CLVS1: variants seen among roughly 807,000 people sequenced by gnomAD.
CLVS1 encodes the protein clavesin-1.
A neutral mutation model predicts 33.1 loss-of-function variants in CLVS1; 10 were observed. The observed-to-expected ratio is 0.30, with a 90% CI of 0.19 to 0.51. The LOEUF (loss-of-function observed/expected upper bound fraction) is 0.51, where lower values mean the gene tolerates loss of function less well. Among genes scored for constraint, CLVS1 ranks in the 20% least tolerant of loss-of-function variants. The pLI is 0.97. For synonymous variants in CLVS1, 163 were observed against 166.1 expected (o/e 0.98, Z 0.14); for missense variants, 343 against 433.4 (o/e 0.79, Z 1.85).
At chr8:61,099,092 G>A (rs921236282) in intron 1 of CLVS1, among the ~76,000 whole-genome samples, 2 of 152,104 alleles carry the variant, frequency 1.3e-5, no homozygotes, top group African/African-American at 2.4e-5. Flanking sequence ...CTTCATAAGG[G>A]TTAGGATTCA....
chr8:61,484,262 A>C (rs1475951818), intron 5 of CLVS1, among the ~76,000 whole-genome samples: 2 of 152,232 alleles, frequency 1.3e-5, no homozygotes, highest in Non-Finnish European at 2.9e-5. Context: ...ATACAAAATC[A>C]ACATGCAAAA....
intron 2 of CLVS1, among the ~76,000 whole-genome samples, chr8:61,193,305 G>A (rs562397928): frequency 3.9e-5 from 6 of 152,236 alleles, no homozygotes; most frequent in African/African-American, 1.2e-4. Context: ...TCACTCATAG[G>A]TGGGAATGGA....
chr8:61,010,897 G>C, the CLVS1 span, among the ~76,000 whole-genome samples: 10 of 152,238 alleles, frequency 6.6e-5, no homozygotes, highest in East Asian at 1.9e-4. Context: ...GCAGCGCAGC[G>C]CCTGGCTGGG....
chr8:61,046,505 G>GT, the CLVS1 span, among the ~76,000 whole-genome samples: 1 of 147,086 alleles, frequency 6.8e-6, no homozygotes, highest in Non-Finnish European at 1.5e-5. Context: ...CTTTAAAGTA[G>GT]TTTTTTCAAA....
chr8:61,255,135 A>G (rs893240741), intron 2 of CLVS1, among the ~76,000 whole-genome samples: 1 of 152,166 alleles, frequency 6.6e-6, no homozygotes, highest in African/African-American at 2.4e-5. Context: ...ACCTTGTAAA[A>G]CTATAATTAT....
the CLVS1 span, among the ~76,000 whole-genome samples, chr8:60,998,801 G>T: frequency 6.6e-6 from 1 of 152,218 alleles, no homozygotes; most frequent in Non-Finnish European, 1.5e-5. Context: ...GGTTTGCTGA[G>T]CATCTCACCC....
At chr8:61,385,889 TG>T (rs1212734956) in intron 3 of CLVS1, among the ~76,000 whole-genome samples, 3 of 152,170 alleles carry the variant, frequency 2.0e-5, no homozygotes, top group Non-Finnish European at 1.5e-5. Context: ...ACTAAAATGT[TG>T]GGGGGTAGTC....
intron 3 of CLVS1, among the ~76,000 whole-genome samples, chr8:61,425,497 A>G (rs1815852362): frequency 6.6e-6 from 1 of 152,204 alleles, no homozygotes; most frequent in African/African-American, 2.4e-5. Flanking sequence ...AAAGTGCACA[A>G]TTCAATGGCT....
Position 61,328,380 on chromosome 8 carries a change from G to A in CLVS1, c.455+28098G>A, listed in dbSNP as rs559223770. Among the ~76,000 whole-genome samples the A allele has an allele frequency of 7.2e-5, 11 of 152,266 alleles. No homozygotes were observed. The South Asian group carries it at 2.3e-3, about 32-fold the overall frequency. ...ATGTTTTGTGGCTTAGGTGGAGCTT[G>A]AGCTTGAATTGAAAGGTGAGGGTCA... On this transcript the variant is annotated intron_variant, in intron 2 of 5. Coordinates refer to ENST00000325897, the MANE Select transcript of CLVS1 (RefSeq NM_173519.3).
chr8:61,326,168 T>G (rs1811377641), intron 2 of CLVS1, among the ~76,000 whole-genome samples: 1 of 152,214 alleles, frequency 6.6e-6, no homozygotes, highest in African/African-American at 2.4e-5. Flanking sequence ...GTCATATGTT[T>G]TAAGTCTTTG....
chr8:61,213,777 A>T (rs1200111662), intron 2 of CLVS1, among the ~76,000 whole-genome samples: 2 of 152,220 alleles, frequency 1.3e-5, no homozygotes, highest in Non-Finnish European at 2.9e-5. Context: ...GGCACTTTGA[A>T]AAAAGAACAG....
intron 1 of CLVS1, among the ~76,000 whole-genome samples, chr8:61,091,538 C>T (rs1805249698): frequency 6.6e-6 from 1 of 152,104 alleles, no homozygotes; most frequent in Admixed American, 6.5e-5. Context: ...TTTCTTTTTC[C>T]TAGGTGGACT....
intron 1 of CLVS1, among the ~76,000 whole-genome samples, chr8:61,074,394 ATATGT>A (rs139593745): frequency 0.27 from 29,718 of 108,974 alleles, 5,035 homozygotes; most frequent in East Asian, 0.56. Flanking sequence ...GTGTATATAT[ATATGT>A]TATATATATA....
intron 5 of CLVS1, among the ~76,000 whole-genome samples, chr8:61,484,052 T>C (rs1803771224): frequency 1.3e-5 from 2 of 152,184 alleles, no homozygotes; most frequent in African/African-American, 4.8e-5. Flanking sequence ...ATGCCCTCTC[T>C]CACCACTCCT....
chr8:61,402,054 G>C (rs1814787786), intron 3 of CLVS1, among the ~76,000 whole-genome samples: 1 of 152,018 alleles, frequency 6.6e-6, no homozygotes, highest in South Asian at 2.1e-4. Flanking sequence ...TATTCACAAG[G>C]CCTGGAACCC....
chr8:61,415,941 C>A (rs1563543364), intron 3 of CLVS1, among the ~76,000 whole-genome samples: 1 of 152,140 alleles, frequency 6.6e-6, no homozygotes, highest in African/African-American at 2.4e-5. Context: ...TGCACTAGAA[C>A]CTGACCAGCA....
At chr8:61,128,212 A>G (rs1322357192) in intron 1 of CLVS1, among the ~76,000 whole-genome samples, 1 of 152,256 alleles carries the variant, frequency 6.6e-6, no homozygotes, top group Non-Finnish European at 1.5e-5. Flanking sequence ...AGACTTATGC[A>G]TAAGTACATC....
the CLVS1 span, among the ~76,000 whole-genome samples, chr8:61,049,328 C>A: frequency 6.6e-6 from 1 of 152,270 alleles, no homozygotes; most frequent in African/African-American, 2.4e-5. Context: ...AAACACAAGT[C>A]TGACCAAATC....
intron 1 of CLVS1, among the ~76,000 whole-genome samples, chr8:61,127,936 C>T (rs1247227699): frequency 6.6e-6 from 1 of 152,182 alleles, no homozygotes; most frequent in Admixed American, 6.5e-5. Context: ...GCTCTTCAGG[C>T]GACTGCCAGC....
Sources: allele counts gnomAD v4.1 joint callset (sites outside exome capture counted in the v4.1 genomes callset), GRCh38; gene constraint gnomAD v4.1.1; transcripts MANE v1.5; gene names NCBI Gene and HGNC (gene_info 2026-07-23, HGNC 2026-07-21).